The following ATP8B4 variants were observed in gnomAD, a reference collection of about 807,000 sequenced individuals.
ATP8B4 encodes ATPase phospholipid transporting 8B4 (putative), also known as probable phospholipid-transporting ATPase IM.
In ATP8B4, 133 loss-of-function variants were observed where a neutral mutation model predicts 145.6. The observed-to-expected ratio is 0.91, with a 90% CI of 0.79 to 1.05. The LOEUF is 1.05. ATP8B4 is among the 50% of genes least tolerant of loss of function. ATP8B4 has a pLI of 0.00. For missense variants in ATP8B4, 1,458 were observed against 1,425.2 expected, an observed-to-expected ratio of 1.02 and a Z score of -0.37; for synonymous variants, 507 against 492.9, an observed-to-expected ratio of 1.03 and a Z score of -0.38.
intron 9 of ATP8B4, among the ~76,000 whole-genome samples, chr15:49,991,337 A>G (rs2047030759): frequency 6.6e-6 from 1 of 152,214 alleles, no homozygotes; most frequent in Non-Finnish European, 1.5e-5. Context: ...GTCATACAAA[A>G]TATGTAAACT....
chr15:50,060,162 G>C (rs1029816463), intron 3 of ATP8B4, among the ~76,000 whole-genome samples: 10 of 152,164 alleles, frequency 6.6e-5, no homozygotes, highest in African/African-American at 2.4e-4. Context: ...CTAAAGAAAA[G>C]CTGCCACTAG....
At chr15:50,140,000 A>G (rs1178190189) in intron 1 of ATP8B4, among the ~76,000 whole-genome samples, 1 of 131,424 alleles carries the variant, frequency 7.6e-6, no homozygotes, top group East Asian at 2.5e-4. Flanking sequence ...GGTATGATGG[A>G]CTTTAGAGAT....
intron 14 of ATP8B4, among the ~76,000 whole-genome samples, chr15:49,943,033 AT>A (rs1219105409): frequency 6.6e-6 from 1 of 152,102 alleles, no homozygotes; most frequent in African/African-American, 2.4e-5. Context: ...CTTTAAAAAA[AT>A]TTTTAAAAAC....
chr15:50,181,557 C>T (rs1410600964), intron 1 of ATP8B4, among the ~76,000 whole-genome samples: 1 of 152,198 alleles, frequency 6.6e-6, no homozygotes, highest in Non-Finnish European at 1.5e-5. Context: ...TGCGGTGTAG[C>T]ACTGCTCTTC....
chr15:50,121,778 C>G (rs960344035), upstream of ATP8B4, among the ~76,000 whole-genome samples: 4 of 152,070 alleles, frequency 2.6e-5, no homozygotes, highest in Non-Finnish European at 4.4e-5. Flanking sequence ...TTTCAAGAGG[C>G]CTTATTTTGT....
chr15:50,143,683 T>C (rs938668353), intron 1 of ATP8B4, among the ~76,000 whole-genome samples: 1 of 152,102 alleles, frequency 6.6e-6, no homozygotes, highest in African/African-American at 2.4e-5. Flanking sequence ...GGTGCCACAG[T>C]AGTAAAGGGT....
chr15:49,950,610 A>AAC (rs2042997223), intron 14 of ATP8B4, among the ~76,000 whole-genome samples: 1 of 78,616 alleles, frequency 1.3e-5, no homozygotes, highest in South Asian at 3.6e-4. Flanking sequence ...AAACAAACAA[A>AAC]CAAACAAACA....
chr15:50,042,154 TA>T (rs34554435), intron 5 of ATP8B4, among the ~76,000 whole-genome samples: 15,373 of 134,804 alleles, frequency 0.11, 1,002 homozygotes, highest in African/African-American at 0.2. Context: ...GACTCTGTCT[TA>T]AAAAAAAAAA....
At chr15:49,982,028 G>A (rs537541984) in intron 10 of ATP8B4, among the ~76,000 whole-genome samples, 3 of 152,252 alleles carry the variant, frequency 2.0e-5, no homozygotes, top group Non-Finnish European at 2.9e-5. Context: ...TGTGGACAGA[G>A]AAAATGCTAA....
At chr15:49,978,796 A>G in intron 12 of ATP8B4, among the ~76,000 whole-genome samples, 1 of 135,870 alleles carries the variant, frequency 7.4e-6, no homozygotes, top group Non-Finnish European at 1.6e-5. Context: ...ATGCATACAT[A>G]TGTATATAAA....
intron 6 of ATP8B4, among the ~76,000 whole-genome samples, chr15:50,020,595 ATTCCT>A: frequency 6.6e-6 from 1 of 152,096 alleles, no homozygotes; most frequent in East Asian, 1.9e-4. Context: ...TCAGTAATGC[ATTCCT>A]CTACAGAATG....
At chr15:50,046,896 T>C (rs764077933) in intron 4 of ATP8B4, among the ~76,000 whole-genome samples, 2 of 152,216 alleles carry the variant, frequency 1.3e-5, no homozygotes, top group Non-Finnish European at 2.9e-5. Context: ...TACAGTGAAA[T>C]AACATATAGC....
rs544322523 is a variant in ATP8B4 at position 50,051,454 on chromosome 15, AAG to A, written c.88-3992_88-3991del. On this transcript the variant is annotated intron_variant, in intron 3 of 27. Transcript: ENST00000284509. ...GTGCTACAAGTTCTGGGAAAATAAGAAGAGATGTCAAGAGAAGAGTTTCCAGC... is the reference window on the plus strand; with the variant it reads ...GTGCTACAAGTTCTGGGAAAATAAGAAGATGTCAAGAGAAGAGTTTCCAGC... Among the ~76,000 whole-genome samples, 11 of 151,122 alleles carry A rather than the reference AAG, an allele frequency of 7.3e-5. No individual in the cohort carries two copies. In the East Asian group the frequency reaches 2.6e-3, roughly 35 times the overall value.
intron 1 of ATP8B4, among the ~76,000 whole-genome samples, chr15:50,114,222 T>C (rs2057093156): frequency 6.7e-6 from 1 of 149,880 alleles, no homozygotes; most frequent in African/African-American, 2.4e-5. Context: ...ACATGAGTAG[T>C]ATACACTGCA....
At chr15:49,885,318 C>G (rs1043356590) in intron 23 of ATP8B4, among the ~76,000 whole-genome samples, 1 of 152,222 alleles carries the variant, frequency 6.6e-6, no homozygotes, top group Non-Finnish European at 1.5e-5. Context: ...GGTCACAACT[C>G]CAGTGTCACC....
chr15:50,062,708 A>G (rs1286033426), intron 3 of ATP8B4, among the ~76,000 whole-genome samples: 1 of 152,200 alleles, frequency 6.6e-6, no homozygotes, highest in African/African-American at 2.4e-5. Flanking sequence ...ATTAGCACAA[A>G]TATAGATTTT....
At chr15:49,894,374 C>T (rs972430224) in intron 23 of ATP8B4, among the ~76,000 whole-genome samples, 1 of 152,052 alleles carries the variant, frequency 6.6e-6, no homozygotes, top group Non-Finnish European at 1.5e-5. Context: ...TCGTACAAAT[C>T]GGGGCAAAGT....
At position 49,962,144 on chromosome 15, in the gene ATP8B4, A is replaced by C. The variant is rs541711526; in HGVS notation, c.1244-124T>G. The C allele has an allele frequency of 3.9e-4, 277 of 707,820 alleles. No homozygotes were observed. The African/African-American group carries it at 4.7e-3, about 12-fold the overall frequency. The allele number at this position is 707,820 out of a possible 1,614,324, so 43.8% of individuals were successfully genotyped here. On this transcript the variant is annotated intron_variant, in intron 13 of 27. Coordinates refer to ENST00000284509, the MANE Select transcript of ATP8B4 (RefSeq NM_024837.4). ...TTACTAAATGGCATTATGAATTTAA[A>C]CAGGCGAATGGTTTTAGGAGTGCTT...
chr15:50,045,819 CT>C (rs2051671644), intron 4 of ATP8B4, among the ~76,000 whole-genome samples: 1 of 152,100 alleles, frequency 6.6e-6, no homozygotes, highest in Non-Finnish European at 1.5e-5. Context: ...GAACAAGAGC[CT>C]TTGGCCACAA....
Sources: allele counts gnomAD v4.1 joint callset (sites outside exome capture counted in the v4.1 genomes callset), GRCh38; gene constraint gnomAD v4.1.1; transcripts MANE v1.5; gene names NCBI Gene and HGNC (gene_info 2026-07-23, HGNC 2026-07-21).